The following DIAPH2 variants were observed in gnomAD, a reference collection of about 807,000 sequenced individuals.
DIAPH2 encodes protein diaphanous homolog 2.
In DIAPH2, 35 loss-of-function variants were observed where a neutral mutation model predicts 92.7. The observed-to-expected ratio is 0.38, with a 90% confidence interval of 0.29 to 0.50. The LOEUF is 0.50. Ranked by LOEUF, DIAPH2 falls within the 20% of genes least tolerant of loss-of-function variation. The pLI is 0.94. For synonymous variants in DIAPH2, 301 were observed against 280.4 expected (o/e 1.07, Z -0.73); for missense variants, 701 against 819.5 (o/e 0.86, Z 1.77).
intron 23 of DIAPH2, among the ~76,000 whole-genome samples, chrX:97,347,787 G>C (rs995214114): frequency 9.0e-6 from 1 of 111,120 alleles, no homozygotes; most frequent in Non-Finnish European, 1.9e-5. Flanking sequence ...GAGCTGATTA[G>C]GGTGGGCCCT....
At chrX:96,937,641 C>T (rs2065666399) in intron 11 of DIAPH2, among the ~76,000 whole-genome samples, 1 of 111,635 alleles carries the variant, frequency 9.0e-6, no homozygotes, top group Admixed American at 9.5e-5. Flanking sequence ...ATATATCTTA[C>T]ATGTAAGGAT....
At chrX:96,846,057 C>G (rs762242577) in intron 4 of DIAPH2, among the ~76,000 whole-genome samples, 3 of 108,830 alleles carry the variant, frequency 2.8e-5, no homozygotes, top group South Asian at 8.0e-4. Flanking sequence ...GTCTCGGCCT[C>G]CCAACCAAAG....
chrX:97,017,706 T>C (rs1310065124), intron 17 of DIAPH2, among the ~76,000 whole-genome samples: 1 of 112,344 alleles, frequency 8.9e-6, no homozygotes, highest in Non-Finnish European at 1.9e-5. Context: ...TTCCCAATAA[T>C]GAATCACCTT....
chrX:97,253,606 C>T (rs774564653), intron 23 of DIAPH2, among the ~76,000 whole-genome samples: 1 of 109,572 alleles, frequency 9.1e-6, no homozygotes, highest in Non-Finnish European at 1.9e-5. Flanking sequence ...AAAAATTAGC[C>T]AGGCATGGTG....
intron 17 of DIAPH2, among the ~76,000 whole-genome samples, chrX:96,977,887 T>C (rs1602683430): frequency 8.9e-6 from 1 of 111,760 alleles, no homozygotes; most frequent in East Asian, 2.8e-4. Context: ...TTTCGCCATG[T>C]TGGCCAGGCT....
At chrX:97,491,511 A>G (rs1343983046) in intron 26 of DIAPH2, among the ~76,000 whole-genome samples, 1 of 110,856 alleles carries the variant, frequency 9.0e-6, no homozygotes, top group Non-Finnish European at 1.9e-5. Context: ...CCTGGGTTCA[A>G]GTGATTCTCC....
At chrX:96,751,652 G>GTTTTTTTTTTTTTGTTTTTT (rs2064190667) in intron 3 of DIAPH2, among the ~76,000 whole-genome samples, 1 of 60,312 alleles carries the variant, frequency 1.7e-5, no homozygotes, top group African/African-American at 6.4e-5. Flanking sequence ...TCAGTGTTTT[G>GTTTTTTTTTTTTTGTTTTTT]TTTTTTTTTT....
At chrX:97,255,241 A>G (rs1041791024) in intron 23 of DIAPH2, among the ~76,000 whole-genome samples, 5 of 111,249 alleles carry the variant, frequency 4.5e-5, no homozygotes, top group African/African-American at 1.6e-4. Flanking sequence ...TTCCTTTTCA[A>G]TCTCTCTCAA....
chrX:96,945,714 G>C, intron 14 of DIAPH2, 123 bp downstream of exon 14: 1 of 441,503 alleles, frequency 2.3e-6, no homozygotes, highest in Non-Finnish European at 3.6e-6. Flanking sequence ...TATACTTTTG[G>C]GTTCAAACAT....
At chrX:97,430,869 T>C (rs574909508) in intron 26 of DIAPH2, among the ~76,000 whole-genome samples, 220 of 112,300 alleles carry the variant, frequency 2.0e-3, no homozygotes, top group African/African-American at 6.9e-3. Flanking sequence ...TGATGGATAT[T>C]GGATAACATT....
intron 4 of DIAPH2, among the ~76,000 whole-genome samples, chrX:96,811,124 A>C (rs990988921): frequency 4.5e-5 from 5 of 111,745 alleles, no homozygotes; most frequent in African/African-American, 1.6e-4. Flanking sequence ...GGCCATTTTC[A>C]TGATATTGAT....
chrX:97,487,099 T>C (rs905520374), intron 26 of DIAPH2, among the ~76,000 whole-genome samples: 4 of 112,154 alleles, frequency 3.6e-5, no homozygotes, highest in African/African-American at 1.3e-4. Flanking sequence ...AGGATTTCTT[T>C]CTGTGTTTAA....
chrX:96,912,913 T>C (rs1362261321), intron 7 of DIAPH2, among the ~76,000 whole-genome samples: 1 of 111,167 alleles, frequency 9.0e-6, no homozygotes, highest in Non-Finnish European at 1.9e-5. Flanking sequence ...AAAAGATAAA[T>C]TTGATGTTTA....
chrX:96,927,284 T>TTTTC (rs2065589409), intron 9 of DIAPH2, among the ~76,000 whole-genome samples: 1 of 41,415 alleles, frequency 2.4e-5, no homozygotes, highest in Non-Finnish European at 6.1e-5. Context: ...GGAGTTGAAT[T>TTTTC]TTTTTTTTTT....
rs137884483 is a variant in DIAPH2 at position 96,965,472 on chromosome X, C to T, written c.2050+265C>T. Reference sequence around the variant, plus strand: ...ATTGTTAAATATGTGTGTTGCACTGCTCCATTATAAAATAGTCGTTTTTAC... The same window carrying T: ...ATTGTTAAATATGTGTGTTGCACTGTTCCATTATAAAATAGTCGTTTTTAC... On this transcript the variant is annotated intron_variant, in intron 17 of 26. Coordinates refer to ENST00000324765, the MANE Select transcript of DIAPH2 (RefSeq NM_006729.5). Among the ~76,000 whole-genome samples the T allele has an allele frequency of 3.4e-3, 377 of 111,243 alleles. 3 individuals carry two copies. Among genetic ancestry groups the T allele is most frequent in the African/African-American group, 0.011 (352 of 30,767 alleles).
chrX:97,312,064 A>G (rs977615645), intron 23 of DIAPH2, among the ~76,000 whole-genome samples: 2 of 110,317 alleles, frequency 1.8e-5, no homozygotes, highest in Non-Finnish European at 3.8e-5. Flanking sequence ...TCCTAACCTC[A>G]TGATCCGCCC....
chrX:97,204,106 T>C (rs1486448094), intron 22 of DIAPH2, among the ~76,000 whole-genome samples: 1 of 112,029 alleles, frequency 8.9e-6, no homozygotes, highest in Non-Finnish European at 1.9e-5. Context: ...GAAAAGGCCT[T>C]CAATAAAATT....
chrX:96,979,121 C>G (rs776380297), intron 17 of DIAPH2, among the ~76,000 whole-genome samples: 1 of 112,053 alleles, frequency 8.9e-6, no homozygotes, highest in African/African-American at 3.2e-5. Flanking sequence ...TAACATGTAA[C>G]TAGGTTCAAC....
At chrX:97,120,474 A>G (rs2067048480) in intron 21 of DIAPH2, among the ~76,000 whole-genome samples, 1 of 109,538 alleles carries the variant, frequency 9.1e-6, no homozygotes, top group African/African-American at 3.3e-5. Context: ...GTCGTTTTGG[A>G]GCTAAAATTC....
Sources: allele counts gnomAD v4.1 joint callset (sites outside exome capture counted in the v4.1 genomes callset), GRCh38; gene constraint gnomAD v4.1.1; transcripts MANE v1.5; gene names NCBI Gene and HGNC (gene_info 2026-07-23, HGNC 2026-07-21).